FAM83B: variants seen among roughly 807,000 people sequenced by gnomAD.
FAM83B encodes the protein protein FAM83B.
Under a neutral mutation model 38.8 loss-of-function variants are expected in FAM83B, and 26 were observed. The ratio of observed to expected loss-of-function variants is 0.67; its 90% CI spans 0.49 to 0.93. The LOEUF is 0.93. FAM83B is among the 40% of genes least tolerant of loss of function. FAM83B has a pLI of 0.00. For synonymous variants in FAM83B, 419 were observed against 423.1 expected (o/e 0.99, Z 0.12); for missense variants, 1,237 against 1,197.3 (o/e 1.03, Z -0.49).
chr6:54,919,831 T>C (rs1773131299), intron 2 of FAM83B, among the ~76,000 whole-genome samples: 1 of 151,998 alleles, frequency 6.6e-6, no homozygotes, highest in Admixed American at 6.6e-5. Flanking sequence ...TGAATGGTTA[T>C]TGAAAACATA....
At chr6:54,861,213 G>A (rs1048310202) in intron 1 of FAM83B, among the ~76,000 whole-genome samples, 2 of 152,246 alleles carry the variant, frequency 1.3e-5, no homozygotes, top group African/African-American at 4.8e-5. Flanking sequence ...TTCCTAAGAT[G>A]AGAGTTGAAT....
chr6:54,941,727 C>G lies in FAM83B; in HGVS notation c.2756C>G (p.Thr919Arg). Residue 919 changes from threonine (T) to arginine (R), a missense_variant, in exon 5 of 5, where the codon ACG becomes AGG. Physicochemically the swap from Thr to Arg is moderately conservative, Grantham distance 71. Transcript: ENST00000306858. ...AGACCTACTTCTTCTCCAAGGCCAA[C>G]GTCCAGTGAGCTTCTACGATCTCAT... is the stretch of plus-strand genomic sequence containing the variant. ...ERRPTSSPRP[T>R]SSELLRSHST... 6.2e-7 allele frequency: 1 copy of G among 1,614,110 alleles called. No homozygotes were observed.
chr6:54,846,962 AG>A (rs1421093379), intron 1 of FAM83B, 136 bp downstream of exon 1: 1 of 152,168 alleles, frequency 6.6e-6, no homozygotes, highest in East Asian at 1.9e-4. Flanking sequence ...CGGGAGGGAT[AG>A]GGGACTCTCC....
rs201707729 is a variant in FAM83B, at chr6:54,941,041, G to A, written c.2070G>A (p.Arg690=). The A allele has an allele frequency of 4.3e-5, 70 of 1,613,724 alleles. No individual in the cohort carries two copies. In the East Asian group the frequency reaches 1.5e-3, roughly 35 times the overall value. The change falls in exon 5 of 5, where the codon AGG becomes AGA. Residue 690 remains arginine (R), a synonymous_variant. Coordinates refer to ENST00000306858, the MANE Select transcript of FAM83B (RefSeq NM_001010872.3). ...ATTATGTATATAGTACACTTACCAG[G>A]AATCGAGTTAGACAACCAGAAAAGC... is the stretch of plus-strand genomic sequence containing the variant. ...SKHYVYSTLT[R]NRVRQPEKPK... is the part of the protein sequence containing the mutation.
At chr6:54,903,777 T>G (rs1416176700) in intron 2 of FAM83B, among the ~76,000 whole-genome samples, 2 of 152,156 alleles carry the variant, frequency 1.3e-5, no homozygotes, top group Non-Finnish European at 2.9e-5. Flanking sequence ...AGTTACATAC[T>G]ATTTTATTCT....
At chr6:54,922,962 T>G (rs1354720198) in intron 2 of FAM83B, among the ~76,000 whole-genome samples, 2 of 152,070 alleles carry the variant, frequency 1.3e-5, no homozygotes, top group East Asian at 3.8e-4. Context: ...GCTTCTATTT[T>G]TGGCTTACCA....
chr6:54,905,388 G>A lies in FAM83B; in HGVS notation c.445-20983G>A, dbSNP rs988793186. Among the ~76,000 whole-genome samples the A allele has an allele frequency of 1.6e-4, 24 of 152,102 alleles. 1 individual carries two copies. The highest frequency in any genetic ancestry group is 1.3e-3 in the Admixed American group (20 of 15,266). ...ACTTAAAAATTGACAAATAATACTT[G>A]TATATGTTTATCAGGTACAATGTGA... On this transcript the variant is annotated intron_variant, in intron 2 of 4. Transcript: ENST00000306858.
intron 1 of FAM83B, among the ~76,000 whole-genome samples, chr6:54,856,112 T>A (rs1301695904): frequency 6.6e-6 from 1 of 152,148 alleles, no homozygotes; most frequent in Non-Finnish European, 1.5e-5. Context: ...GAAAGCTTAA[T>A]TGAGAGACTA....
At chr6:54,908,155 G>A (rs1772819681) in intron 2 of FAM83B, among the ~76,000 whole-genome samples, 1 of 147,538 alleles carries the variant, frequency 6.8e-6, no homozygotes, top group African/African-American at 2.5e-5. Flanking sequence ...AAAAAGTCTA[G>A]CAATTACTGT....
At chr6:54,936,996 A>G (rs1211307619) in intron 4 of FAM83B, among the ~76,000 whole-genome samples, 1 of 148,418 alleles carries the variant, frequency 6.7e-6, no homozygotes, top group Non-Finnish European at 1.5e-5. Flanking sequence ...AAATAACAAG[A>G]TTCTTAAGTT....
intron 2 of FAM83B, among the ~76,000 whole-genome samples, chr6:54,885,479 C>G (rs977981318): frequency 6.6e-6 from 1 of 151,940 alleles, no homozygotes; most frequent in African/African-American, 2.4e-5. Context: ...GGTCCAGTGA[C>G]TGGATTGATA....
At chr6:54,846,915 GCC>G (rs1235802333) in intron 1 of FAM83B, 89 bp downstream of exon 1, 3 of 152,222 alleles carry the variant, frequency 2.0e-5, no homozygotes, top group Non-Finnish European at 2.9e-5. Flanking sequence ...TACTGGGGGG[GCC>G]CGGGGCTTCA....
At chr6:54,900,210 T>A in intron 2 of FAM83B, among the ~76,000 whole-genome samples, 1 of 152,178 alleles carries the variant, frequency 6.6e-6, no homozygotes, top group East Asian at 1.9e-4. Flanking sequence ...AGGCACAACA[T>A]GAAAGCAAGA....
intron 2 of FAM83B, among the ~76,000 whole-genome samples, chr6:54,908,746 G>T (rs1197514525): frequency 6.6e-6 from 1 of 152,144 alleles, no homozygotes; most frequent in Non-Finnish European, 1.5e-5. Flanking sequence ...TGTACTTCAA[G>T]AATGGAACTT....
chr6:54,851,793 G>A (rs1033634794), intron 1 of FAM83B, among the ~76,000 whole-genome samples: 6 of 148,748 alleles, frequency 4.0e-5, no homozygotes, highest in East Asian at 1.9e-4. Flanking sequence ...GACTACAGGC[G>A]CCCGCCACTA....
At chr6:54,879,817 G>A (rs182657487) in intron 2 of FAM83B, among the ~76,000 whole-genome samples, 241 of 152,244 alleles carry the variant, frequency 1.6e-3, no homozygotes, top group Middle Eastern at 6.8e-3. Context: ...ATGTAAGACA[G>A]GTTGTAACAG....
intron 2 of FAM83B, among the ~76,000 whole-genome samples, chr6:54,915,812 CAA>C (rs58597609): frequency 2.8e-4 from 5 of 18,044 alleles, no homozygotes; most frequent in East Asian, 1.4e-3. Flanking sequence ...GACTCCGTCT[CAA>C]AAAAAAAAAA....
rs747832658 is a variant in FAM83B at position 54,870,631 on chromosome 6, A to C, written c.385A>C (p.Arg129=). Residue 129 remains arginine (R), a synonymous_variant, in exon 2 of 5, where the codon AGA becomes CGA. Transcript: ENST00000306858. ...TATAGATCTCCTTTTTCATCCACCA[A>C]GAGCACATCTACTTACGATAAAAGA... ...THIDLLFHPP[R]AHLLTIKETI... The C allele has an allele frequency of 5.0e-6, 8 of 1,613,890 alleles. No individual in the cohort carries two copies. The Admixed American group carries it at 1.3e-4, about 27-fold the overall frequency.
intron 1 of FAM83B, among the ~76,000 whole-genome samples, chr6:54,849,163 GC>G (rs1369713809): frequency 6.6e-6 from 1 of 152,198 alleles, no homozygotes. Context: ...CTTTAAGGAT[GC>G]CGTAGATAAA....
Sources: allele counts gnomAD v4.1 joint callset (sites outside exome capture counted in the v4.1 genomes callset), GRCh38; gene constraint gnomAD v4.1.1; transcripts MANE v1.5; gene names NCBI Gene and HGNC (gene_info 2026-07-23, HGNC 2026-07-21).